SLC35F4: variants seen among roughly 807,000 people sequenced by gnomAD.
The protein encoded by SLC35F4 is solute carrier family 35 member F4, also known as chromosome 14 open reading frame 36.
Under a neutral mutation model 44.2 loss-of-function variants are expected in SLC35F4, and 24 were observed. The observed-to-expected ratio is 0.54, with a 90% CI of 0.39 to 0.76. The LOEUF is 0.76. SLC35F4 is among the 30% of genes least tolerant of loss of function. The pLI, the probability that SLC35F4 is intolerant of heterozygous loss-of-function variation, is 0.00. For missense variants in SLC35F4, 562 were observed against 586.1 expected (o/e 0.96, Z 0.42); for synonymous variants, 238 against 223.6 (o/e 1.06, Z -0.57).
chr14:57,608,805 G>GA (rs2071324364), intron 1 of SLC35F4, among the ~76,000 whole-genome samples: 1 of 122,012 alleles, frequency 8.2e-6, no homozygotes, highest in Non-Finnish European at 1.7e-5. Flanking sequence ...GGCGGCGGGG[G>GA]GAGAGAAACA....
intron 1 of SLC35F4, among the ~76,000 whole-genome samples, chr14:57,695,721 C>T (rs150978430): frequency 0.029 from 4,347 of 152,208 alleles, 203 homozygotes; most frequent in African/African-American, 0.098. Flanking sequence ...CACATGCACA[C>T]GCATGTTTAT....
chr14:57,828,183 G>A (rs1883988692), intron 1 of SLC35F4, among the ~76,000 whole-genome samples: 1 of 152,194 alleles, frequency 6.6e-6, no homozygotes, highest in Non-Finnish European at 1.5e-5. Flanking sequence ...TGAATCTTGG[G>A]AGAGCTTTAT....
At chr14:57,762,787 C>T (rs1479464569) in intron 1 of SLC35F4, among the ~76,000 whole-genome samples, 3 of 152,044 alleles carry the variant, frequency 2.0e-5, no homozygotes, top group South Asian at 2.1e-4. Context: ...TATGATGCAG[C>T]GAGAAAGCCC....
intron 1 of SLC35F4, among the ~76,000 whole-genome samples, chr14:57,847,366 C>T (rs1886129654): frequency 6.6e-6 from 1 of 152,124 alleles, no homozygotes; most frequent in Admixed American, 6.6e-5. Context: ...AACCACTTTT[C>T]TTATACTGGT....
chr14:57,774,491 C>T (rs747724181), intron 1 of SLC35F4, among the ~76,000 whole-genome samples: 9 of 152,190 alleles, frequency 5.9e-5, no homozygotes, highest in Non-Finnish European at 1.0e-4. Context: ...ATGCCCATCC[C>T]CCTAGGCTCG....
Position 57,861,777 on chromosome 14 carries a change from T to A in SLC35F4, c.103+3946A>T, listed in dbSNP as rs1426130681. Reference sequence around the variant, plus strand: ...TTCCAGGGTAACACATGTTCCTGGTTTTCCTCCTATCTCCCTGGATGCTCC... The same window carrying A: ...TTCCAGGGTAACACATGTTCCTGGTATTCCTCCTATCTCCCTGGATGCTCC... On this transcript the variant is annotated intron_variant, in intron 1 of 7. Coordinates refer to ENST00000556826, the MANE Select transcript of SLC35F4 (RefSeq NM_001306087.2). Among the ~76,000 whole-genome samples the A allele has an allele frequency of 5.9e-5, 9 of 152,306 alleles. No homozygotes were observed. In the East Asian group the frequency reaches 1.7e-3, roughly 29 times the overall value.
intron 1 of SLC35F4, among the ~76,000 whole-genome samples, chr14:57,747,869 A>G (rs891544554): frequency 2.0e-5 from 3 of 152,212 alleles, no homozygotes; most frequent in African/African-American, 7.2e-5. Context: ...AAATCCCTGA[A>G]TGTTCTTAGT....
chr14:57,854,025 C>G (rs927524505), intron 1 of SLC35F4, among the ~76,000 whole-genome samples: 1 of 152,098 alleles, frequency 6.6e-6, no homozygotes, highest in East Asian at 1.9e-4. Flanking sequence ...ATTCTTTAAG[C>G]CAAAATCCTT....
intron 1 of SLC35F4, among the ~76,000 whole-genome samples, chr14:57,979,521 T>A (rs530120956): frequency 1.3e-5 from 2 of 152,118 alleles, no homozygotes; most frequent in Non-Finnish European, 2.9e-5. Flanking sequence ...TACCTCTCAT[T>A]CCCTGCTTCA....
chr14:57,643,765 C>A (rs2073358348), intron 1 of SLC35F4, among the ~76,000 whole-genome samples: 2 of 152,142 alleles, frequency 1.3e-5, no homozygotes, highest in Admixed American at 1.3e-4. Context: ...TATCCCTCCC[C>A]CCTTCCCCCA....
At chr14:57,795,219 G>A (rs1476392207) in intron 1 of SLC35F4, among the ~76,000 whole-genome samples, 1 of 152,128 alleles carries the variant, frequency 6.6e-6, no homozygotes, top group Non-Finnish European at 1.5e-5. Flanking sequence ...AGACAAAGCA[G>A]AATATTTACT....
At chr14:57,716,744 T>C (rs776348365) in intron 1 of SLC35F4, among the ~76,000 whole-genome samples, 17 of 152,170 alleles carry the variant, frequency 1.1e-4, no homozygotes, top group Non-Finnish European at 2.5e-4. Flanking sequence ...ACATTTGAAA[T>C]CCTCTCTTCT....
At chr14:57,767,236 A>T (rs538318159) in intron 1 of SLC35F4, among the ~76,000 whole-genome samples, 2 of 152,328 alleles carry the variant, frequency 1.3e-5, no homozygotes, top group East Asian at 3.9e-4. Context: ...AACAAATATG[A>T]TCTAATTGGC....
intron 6 of SLC35F4, among the ~76,000 whole-genome samples, chr14:57,568,084 A>G (rs2068293265): frequency 6.6e-6 from 1 of 152,244 alleles, no homozygotes; most frequent in African/African-American, 2.4e-5. Flanking sequence ...GGTGTGTAAC[A>G]GGCTGGAGGG....
intron 1 of SLC35F4, among the ~76,000 whole-genome samples, chr14:57,928,086 C>G (rs188519813): frequency 6.6e-6 from 1 of 151,848 alleles, no homozygotes; most frequent in Non-Finnish European, 1.5e-5. Context: ...GACCCACCCT[C>G]ACCCATACAA....
At chr14:57,605,371 A>G (rs1008616929) in intron 1 of SLC35F4, among the ~76,000 whole-genome samples, 3 of 152,316 alleles carry the variant, frequency 2.0e-5, no homozygotes, top group Admixed American at 2.0e-4. Flanking sequence ...ATCTTCACTA[A>G]TCATCAACAA....
intron 1 of SLC35F4, among the ~76,000 whole-genome samples, chr14:57,606,588 G>A (rs1012401147): frequency 2.6e-5 from 4 of 152,096 alleles, no homozygotes; most frequent in African/African-American, 9.7e-5. Context: ...ACTTGAACTA[G>A]CTTATTTACC....
chr14:57,819,611 C>G (rs574118580), intron 1 of SLC35F4, among the ~76,000 whole-genome samples: 1 of 151,220 alleles, frequency 6.6e-6, no homozygotes, highest in Admixed American at 6.6e-5. Flanking sequence ...TGAGACCAGC[C>G]TGGCCAACAT....
chr14:57,911,490 A>G (rs1889215424), intron 1 of SLC35F4, among the ~76,000 whole-genome samples: 1 of 151,984 alleles, frequency 6.6e-6, no homozygotes, highest in African/African-American at 2.4e-5. Flanking sequence ...AGTGTTTATC[A>G]TGAATGGGTG....
Sources: allele counts gnomAD v4.1 joint callset (sites outside exome capture counted in the v4.1 genomes callset), GRCh38; gene constraint gnomAD v4.1.1; transcripts MANE v1.5; gene names NCBI Gene and HGNC (gene_info 2026-07-23, HGNC 2026-07-21).